Variants in ARID2 observed in about 807,000 individuals in gnomAD.
ARID2 encodes the protein AT-rich interactive domain-containing protein 2.
Under a neutral mutation model 184.6 loss-of-function variants are expected in ARID2, and 32 were observed. The observed-to-expected ratio is 0.17, with a 90% CI of 0.13 to 0.23. ARID2 has a LOEUF of 0.23. Ranked by LOEUF, ARID2 falls within the 10% of genes least tolerant of loss-of-function variation. The probability of loss-of-function intolerance (pLI) is 1.00; values close to 1 mark genes in which losing one functional copy is unlikely to be tolerated. For missense variants in ARID2, 1,696 were observed against 2,197.6 expected (o/e 0.77, Z 4.56); for synonymous variants, 836 against 772.6 (o/e 1.08, Z -1.36).
intron 3 of ARID2, among the ~76,000 whole-genome samples, chr12:45,804,521 C>CT (rs1242820580): frequency 1.3e-5 from 2 of 150,466 alleles, no homozygotes; most frequent in African/African-American, 2.4e-5. Context: ...TGTATGTAGT[C>CT]TTTTTTTTAA....
intron 6 of ARID2, among the ~76,000 whole-genome samples, chr12:45,825,283 A>T (rs1019645201): frequency 6.6e-6 from 1 of 152,164 alleles, no homozygotes; most frequent in Non-Finnish European, 1.5e-5. Flanking sequence ...ATATGAGGTG[A>T]TGCATATCCC....
At chr12:45,730,544 A>G (rs866491445) in intron 2 of ARID2, among the ~76,000 whole-genome samples, 4 of 151,982 alleles carry the variant, frequency 2.6e-5, no homozygotes, top group Non-Finnish European at 4.4e-5. Flanking sequence ...GCGGAGACAC[A>G]CAGAGACACA....
At chr12:45,866,797 T>C (rs895398410) in intron 16 of ARID2, among the ~76,000 whole-genome samples, 1 of 152,222 alleles carries the variant, frequency 6.6e-6, no homozygotes, top group Non-Finnish European at 1.5e-5. Context: ...TTTATAGGAA[T>C]GGTACATTTG....
intron 20 of ARID2, among the ~76,000 whole-genome samples, chr12:45,898,316 G>A (rs934171322): frequency 3.9e-5 from 6 of 152,160 alleles, no homozygotes; most frequent in Non-Finnish European, 7.3e-5. Context: ...TGGGTAGAGA[G>A]TTCCATTATG....
intron 15 of ARID2, among the ~76,000 whole-genome samples, chr12:45,854,482 C>G (rs1265824169): frequency 6.6e-6 from 1 of 152,154 alleles, no homozygotes; most frequent in Admixed American, 6.6e-5. Flanking sequence ...CATTTTTATT[C>G]AAGCTTCCAC....
At chr12:45,783,740 G>A (rs1016122304) in intron 3 of ARID2, among the ~76,000 whole-genome samples, 1 of 152,218 alleles carries the variant, frequency 6.6e-6, no homozygotes, top group African/African-American at 2.4e-5. Context: ...CTGCTGTGCA[G>A]CCCGGTTCCT....
At chr12:45,795,890 C>T (rs1337803421) in intron 3 of ARID2, among the ~76,000 whole-genome samples, 1 of 152,072 alleles carries the variant, frequency 6.6e-6, no homozygotes, top group Non-Finnish European at 1.5e-5. Context: ...TCCTATATAA[C>T]ACTACTACTG....
At chr12:45,779,612 A>AT (rs1942051790) in intron 3 of ARID2, among the ~76,000 whole-genome samples, 1 of 152,142 alleles carries the variant, frequency 6.6e-6, no homozygotes, top group African/African-American at 2.4e-5. Flanking sequence ...ATCACCATTG[A>AT]TTAATAGACT....
intron 3 of ARID2, among the ~76,000 whole-genome samples, chr12:45,766,447 C>T (rs1476706674): frequency 6.6e-6 from 1 of 152,084 alleles, no homozygotes; most frequent in Non-Finnish European, 1.5e-5. Context: ...GGATTACAGG[C>T]ATGAGCCACC....
At chr12:45,730,515 C>G (rs1376191037) in intron 2 of ARID2, among the ~76,000 whole-genome samples, 2 of 151,866 alleles carry the variant, frequency 1.3e-5, no homozygotes, top group Non-Finnish European at 2.9e-5. Flanking sequence ...GCTCTGCCGC[C>G]GCTGCCGCTC....
At chr12:45,901,860 G>T (rs973026619) in intron 20 of ARID2, among the ~76,000 whole-genome samples, 8 of 152,102 alleles carry the variant, frequency 5.3e-5, no homozygotes, top group Admixed American at 2.6e-4. Context: ...GGTGGGGGGT[G>T]GGGGAGGGTG....
intron 3 of ARID2, among the ~76,000 whole-genome samples, chr12:45,797,950 G>A (rs1942420701): frequency 1.3e-5 from 2 of 151,884 alleles, no homozygotes; most frequent in South Asian, 4.1e-4. Context: ...TAATGTAAAG[G>A]ATGGGAAAGT....
chr12:45,850,432 C>T lies in ARID2; in HGVS notation c.2309C>T (p.Pro770Leu), dbSNP rs1943525459. 1.2e-6 allele frequency: 2 copies of T among 1,614,032 alleles called. No individual in the cohort carries two copies. Residue 770 changes from proline (P) to leucine (L), a missense_variant, in exon 15 of 21, where the codon CCA becomes CTA. Pro to Leu is a moderately conservative substitution (Grantham distance 98). Transcript: ENST00000334344. Reference sequence around the variant, plus strand: ...TTGCTTCACCATCCATCTGTAATTCCACAGCAGTCTCCATTACACACAGTG... The same window carrying T: ...TTGCTTCACCATCCATCTGTAATTCTACAGCAGTCTCCATTACACACAGTG... Reference protein sequence around the residue: ...QTLLHHPSVIPQQSPLHTVVP... With the variant: ...QTLLHHPSVILQQSPLHTVVP...
rs1293673271 is a variant in ARID2 at position 45,866,392 on chromosome 12, T to G, written c.4922+5443T>G. ...TCTCATATTAAGGGTATTTAGGATT[T>G]TAGTTATTTGCTATTACATATGAAC... On this transcript the variant is annotated intron_variant, in intron 16 of 20. Transcript: ENST00000334344. Among the ~76,000 whole-genome samples the G allele has an allele frequency of 3.3e-5, 5 of 152,324 alleles. 1 individual carries two copies. The highest frequency in any genetic ancestry group is 2.6e-4 in the Admixed American group (4 of 15,308).
intron 3 of ARID2, among the ~76,000 whole-genome samples, chr12:45,764,344 G>A (rs1271130335): frequency 1.3e-5 from 2 of 151,686 alleles, no homozygotes; most frequent in Non-Finnish European, 2.9e-5. Context: ...CATTACTTAA[G>A]TAGTGAAATC....
At chr12:45,751,704 A>G (rs1010798879) in intron 3 of ARID2, among the ~76,000 whole-genome samples, 1 of 152,236 alleles carries the variant, frequency 6.6e-6, no homozygotes, top group African/African-American at 2.4e-5. Context: ...GCTATATGGT[A>G]TGGCCTGTTG....
intron 3 of ARID2, among the ~76,000 whole-genome samples, chr12:45,755,092 G>A (rs891345706): frequency 4.6e-5 from 7 of 152,194 alleles, no homozygotes; most frequent in African/African-American, 1.7e-4. Flanking sequence ...CATCGGAGGC[G>A]TTAACGCATG....
At position 45,852,439 on chromosome 12, in the gene ARID2, C is replaced by A. The variant is rs2138178847; in HGVS notation, c.4316C>A (p.Thr1439Lys). 1 of 1,614,186 alleles carries A rather than the reference C, an allele frequency of 6.2e-7. No homozygotes were observed. Among genetic ancestry groups the A allele is most frequent in the Non-Finnish European group, 8.5e-7 (1 of 1,180,022 alleles). ...ATACAGGAGGCTTCAAATGCGGCAACACAGCAATTTAGTGGTACTGATTTG... is the reference window on the plus strand; with the variant it reads ...ATACAGGAGGCTTCAAATGCGGCAAAACAGCAATTTAGTGGTACTGATTTG... ...SSIQEASNAA[T>K]QQFSGTDLLN... The change falls in exon 15 of 21, where the codon ACA becomes AAA. Residue 1439 changes from threonine to lysine, a missense_variant. By Grantham distance (78) the Thr-to-Lys change is moderately conservative. Coordinates refer to ENST00000334344, the MANE Select transcript of ARID2 (RefSeq NM_152641.4).
intron 6 of ARID2, among the ~76,000 whole-genome samples, chr12:45,834,835 C>T (rs757235905): frequency 8.5e-5 from 13 of 152,252 alleles, no homozygotes; most frequent in East Asian, 5.8e-4. Flanking sequence ...TTTATGATGA[C>T]GTTTCCACAG....
Sources: allele counts gnomAD v4.1 joint callset (sites outside exome capture counted in the v4.1 genomes callset), GRCh38; gene constraint gnomAD v4.1.1; transcripts MANE v1.5; gene names NCBI Gene and HGNC (gene_info 2026-07-23, HGNC 2026-07-21).